Variants in LOC128462377 observed in about 807,000 individuals in gnomAD.
chr16:89,351,127 C>T, the LOC128462377 span, among the ~76,000 whole-genome samples: 2 of 152,128 alleles, frequency 1.3e-5, no homozygotes, highest in Admixed American at 6.5e-5. Flanking sequence ...AGAGAATGCA[C>T]GGGAGTGGAC....
At chr16:89,381,539 A>G in the LOC128462377 span, among the ~76,000 whole-genome samples, 28 of 152,328 alleles carry the variant, frequency 1.8e-4, no homozygotes, top group Middle Eastern at 6.8e-3. Flanking sequence ...TTTATAAAAC[A>G]TGCACTATGA....
chr16:89,383,372 A>G, the LOC128462377 span, among the ~76,000 whole-genome samples: 1 of 152,246 alleles, frequency 6.6e-6, no homozygotes, highest in African/African-American at 2.4e-5. Context: ...TGACCTCCTG[A>G]GAGAACAAGA....
chr16:89,377,799 AAAGCACTTCGT>A, the LOC128462377 span, among the ~76,000 whole-genome samples: 1 of 152,138 alleles, frequency 6.6e-6, no homozygotes, highest in African/African-American at 2.4e-5. Flanking sequence ...GAGAAATGAC[AAAGCACTTCGT>A]AAGTTACACC....
the LOC128462377 span, among the ~76,000 whole-genome samples, chr16:89,357,290 G>C: frequency 6.6e-6 from 1 of 152,092 alleles, no homozygotes; most frequent in Non-Finnish European, 1.5e-5. Context: ...CATGAAGGAA[G>C]GGCAGTCAGG....
the LOC128462377 span, among the ~76,000 whole-genome samples, chr16:89,332,322 G>T: frequency 3.0e-4 from 45 of 152,286 alleles, no homozygotes; most frequent in African/African-American, 1.1e-3. Flanking sequence ...TCAGCTCCGT[G>T]AAGTCCTGGG....
At chr16:89,359,680 C>T in the LOC128462377 span, among the ~76,000 whole-genome samples, 1 of 152,222 alleles carries the variant, frequency 6.6e-6, no homozygotes, top group African/African-American at 2.4e-5. Flanking sequence ...CCTCTCCACA[C>T]TGAAGCAGGA....
chr16:89,408,553 G>A, the LOC128462377 span, among the ~76,000 whole-genome samples: 1 of 152,188 alleles, frequency 6.6e-6, no homozygotes, highest in Admixed American at 6.5e-5. Flanking sequence ...AACAGCCAGT[G>A]CCCAGGCTGA....
At chr16:89,321,904 C>T in the LOC128462377 span, among the ~76,000 whole-genome samples, 4 of 152,264 alleles carry the variant, frequency 2.6e-5, no homozygotes, top group Admixed American at 6.5e-5. Flanking sequence ...CGTGAAAACC[C>T]GGAGGACGAA....
At chr16:89,321,898 A>G in the LOC128462377 span, among the ~76,000 whole-genome samples, 1 of 152,126 alleles carries the variant, frequency 6.6e-6, no homozygotes, top group Non-Finnish European at 1.5e-5. Context: ...CCTCAACGTG[A>G]AAACCCGGAG....
the LOC128462377 span, chr16:89,324,679 C>T: frequency 8.3e-6 from 3 of 359,322 alleles, no homozygotes; most frequent in South Asian, 6.2e-5. Flanking sequence ...TACTTCCTGC[C>T]CTCGAACATC....
the LOC128462377 span, among the ~76,000 whole-genome samples, chr16:89,413,009 A>G: frequency 3.3e-5 from 5 of 152,066 alleles, no homozygotes; most frequent in African/African-American, 7.2e-5. Context: ...GGGAGCTCCA[A>G]TGTTCCAAAC....
At chr16:89,351,384 G>A in the LOC128462377 span, among the ~76,000 whole-genome samples, 1 of 152,342 alleles carries the variant, frequency 6.6e-6, no homozygotes, top group South Asian at 2.1e-4. Context: ...GGCTGTCCTT[G>A]ATACTGAGCA....
the LOC128462377 span, among the ~76,000 whole-genome samples, chr16:89,378,199 G>A: frequency 3.8e-3 from 580 of 152,090 alleles, 2 homozygotes; most frequent in African/African-American, 0.013. Context: ...TTAAGAAGCG[G>A]GAAAAAAAGT....
At chr16:89,380,163 A>T in the LOC128462377 span, among the ~76,000 whole-genome samples, 6 of 152,108 alleles carry the variant, frequency 3.9e-5, no homozygotes, top group African/African-American at 1.2e-4. Flanking sequence ...CCCAGGCTGG[A>T]GAGCGATGGC....
the LOC128462377 span, among the ~76,000 whole-genome samples, chr16:89,379,915 C>T: frequency 1.8e-4 from 28 of 152,228 alleles, no homozygotes; most frequent in South Asian, 5.2e-3. Flanking sequence ...CAGACACTGA[C>T]CTTTTCAGTT....
At chr16:89,374,256 T>C in the LOC128462377 span, among the ~76,000 whole-genome samples, 5 of 152,188 alleles carry the variant, frequency 3.3e-5, no homozygotes, top group African/African-American at 9.7e-5. Flanking sequence ...TTTATGCTTA[T>C]TGAACCTAGT....
At chr16:89,411,370 T>G in the LOC128462377 span, among the ~76,000 whole-genome samples, 1 of 152,250 alleles carries the variant, frequency 6.6e-6, no homozygotes, top group East Asian at 1.9e-4. Flanking sequence ...CAGGCTGCCC[T>G]GGCTGGGCCA....
chr16:89,323,342 G>A, the LOC128462377 span: 3 of 1,288,840 alleles, frequency 2.3e-6, no homozygotes, highest in South Asian at 3.7e-5. Context: ...AGGTATGGAA[G>A]AGAAGCACCA....
chr16:89,343,142 C>T, the LOC128462377 span, among the ~76,000 whole-genome samples: 4 of 152,178 alleles, frequency 2.6e-5, no homozygotes, highest in Admixed American at 2.6e-4. Flanking sequence ...GTGTGTGCCA[C>T]CACGCCTGGC....
Sources: allele counts gnomAD v4.1 joint callset (sites outside exome capture counted in the v4.1 genomes callset), GRCh38; gene constraint gnomAD v4.1.1; transcripts MANE v1.5.